The following ADCY10 variants were observed in gnomAD, a reference collection of about 807,000 sequenced individuals.
ADCY10 encodes adenylate cyclase type 10.
A neutral mutation model predicts 183.3 loss-of-function variants in ADCY10; 156 were observed. The ratio of observed to expected loss-of-function variants is 0.85; its 90% CI spans 0.75 to 0.97. The LOEUF (loss-of-function observed/expected upper bound fraction) is 0.97, where lower values mean the gene tolerates loss of function less well. Among genes scored for constraint, ADCY10 ranks in the 50% least tolerant of loss-of-function variants. ADCY10 has a pLI of 0.00. For synonymous variants in ADCY10, 645 were observed against 670.0 expected (o/e 0.96, Z 0.58); for missense variants, 1,745 against 1,934.3 (o/e 0.90, Z 1.84).
chr1:167,865,231 TA>T (rs1666597432), intron 14 of ADCY10, among the ~76,000 whole-genome samples: 1 of 152,158 alleles, frequency 6.6e-6, no homozygotes, highest in Admixed American at 6.5e-5. Flanking sequence ...TTACCTACAT[TA>T]AAAGGTTAAA....
At chr1:167,861,920 C>G (rs1257868405) in intron 14 of ADCY10, among the ~76,000 whole-genome samples, 1 of 152,162 alleles carries the variant, frequency 6.6e-6, no homozygotes, top group Admixed American at 6.5e-5. Flanking sequence ...CACTTCCTCC[C>G]TTGCTCGCTC....
intron 31 of ADCY10, among the ~76,000 whole-genome samples, chr1:167,816,446 T>C (rs1268722872): frequency 6.6e-6 from 1 of 152,126 alleles, no homozygotes. Flanking sequence ...CTCAGGAGTC[T>C]GTGGCAGGAG....
chr1:167,893,829 C>T, intron 8 of ADCY10, 24 bp downstream of exon 8: 1 of 1,552,520 alleles, frequency 6.4e-7, no homozygotes, highest in Non-Finnish European at 8.9e-7. Context: ...TCCCCAAAGC[C>T]AGTAAATTCA....
At chr1:167,887,804 C>T (rs1268524614) in intron 8 of ADCY10, among the ~76,000 whole-genome samples, 1 of 150,784 alleles carries the variant, frequency 6.6e-6, no homozygotes, top group African/African-American at 2.4e-5. Flanking sequence ...TTGATGTTAT[C>T]CCATCTGTCC....
intron 17 of ADCY10, 84 bp from the exon 18 acceptor site, chr1:167,854,573 A>C: frequency 6.6e-7 from 1 of 1,504,566 alleles, no homozygotes; most frequent in Non-Finnish European, 9.2e-7. Context: ...CAATCACTTG[A>C]AAATAATTTC....
At chr1:167,889,451 T>TTTTTTTTTTTTTTTTTTTTTTG (rs1553277659) in intron 8 of ADCY10, among the ~76,000 whole-genome samples, 1 of 151,856 alleles carries the variant, frequency 6.6e-6, no homozygotes, top group African/African-American at 2.4e-5. Context: ...ATGATCTTTT[T>TTTTTTTTTTTTTTTTTTTTTTG]AATATGTTGT....
intron 28 of ADCY10, among the ~76,000 whole-genome samples, chr1:167,823,895 T>C (rs967319826): frequency 2.0e-5 from 3 of 152,212 alleles, no homozygotes; most frequent in African/African-American, 7.2e-5. Flanking sequence ...CTGGAAGACT[T>C]TTCCCTTTGT....
chr1:167,842,761 C>T (rs745331038), intron 21 of ADCY10, among the ~76,000 whole-genome samples: 1 of 152,028 alleles, frequency 6.6e-6, no homozygotes, highest in Non-Finnish European at 1.5e-5. Flanking sequence ...GGGAGAGGGG[C>T]CGAGGAGTGG....
intron 31 of ADCY10, among the ~76,000 whole-genome samples, chr1:167,812,613 C>T (rs1662289960): frequency 6.6e-6 from 1 of 152,018 alleles, no homozygotes; most frequent in African/African-American, 2.4e-5. Flanking sequence ...AAAAGGCATA[C>T]CAAGAAACAG....
chr1:167,903,648 A>G (rs940898490), intron 3 of ADCY10, among the ~76,000 whole-genome samples: 9 of 152,206 alleles, frequency 5.9e-5, no homozygotes, highest in South Asian at 2.1e-4. Context: ...AGCAGTGTAT[A>G]ATTCAGCCCT....
At chr1:167,880,784 C>T (rs1422870708) in intron 9 of ADCY10, among the ~76,000 whole-genome samples, 175 bp from the exon 10 acceptor site, 1 of 152,214 alleles carries the variant, frequency 6.6e-6, no homozygotes, top group Non-Finnish European at 1.5e-5. Context: ...ACTGCATCAT[C>T]AACAGGAGGG....
At chr1:167,857,500 G>A (rs1410126432) in intron 16 of ADCY10, among the ~76,000 whole-genome samples, 1 of 152,170 alleles carries the variant, frequency 6.6e-6, no homozygotes, top group East Asian at 1.9e-4. Context: ...GGATAGCCTT[G>A]TTAATGAATT....
At chr1:167,854,665 A>C (rs1035184705) in intron 17 of ADCY10, among the ~76,000 whole-genome samples, 176 bp from the exon 18 acceptor site, 1 of 152,182 alleles carries the variant, frequency 6.6e-6, no homozygotes, top group African/African-American at 2.4e-5. Context: ...ATGTGTGTAC[A>C]CAATAAGTGT....
At chr1:167,860,799 A>C in intron 15 of ADCY10, 72 bp downstream of exon 15, 1 of 1,291,386 alleles carries the variant, frequency 7.7e-7, no homozygotes, top group Non-Finnish European at 1.1e-6. Flanking sequence ...ATGCTAAGTC[A>C]CAATGCACCA....
intron 18 of ADCY10, among the ~76,000 whole-genome samples, chr1:167,849,147 T>A: frequency 6.6e-6 from 1 of 152,230 alleles, no homozygotes; most frequent in Middle Eastern, 3.4e-3. Context: ...ATAATGTATA[T>A]CAGAATGTAT....
intron 23 of ADCY10, chr1:167,834,327 TCTC>T (rs1252861333): frequency 1.8e-5 from 10 of 563,114 alleles, no homozygotes; most frequent in Non-Finnish European, 3.2e-5. Flanking sequence ...AATCTGGAAA[TCTC>T]CACCTTTCTT....
chr1:167,827,237 T>C (rs1428235232), intron 26 of ADCY10, among the ~76,000 whole-genome samples: 1 of 151,648 alleles, frequency 6.6e-6, no homozygotes, highest in Admixed American at 6.6e-5. Flanking sequence ...GAGTGATCTC[T>C]GCTCACTGCA....
intron 2 of ADCY10, 62 bp downstream of exon 2, chr1:167,904,931 T>C (rs762666254): frequency 6.2e-7 from 1 of 1,612,334 alleles, no homozygotes; most frequent in Admixed American, 1.7e-5. Flanking sequence ...AAGCTCTGCA[T>C]GTGAATTCCC....
chr1:167,843,960 T>C (rs1014491209), intron 21 of ADCY10, among the ~76,000 whole-genome samples: 1 of 148,838 alleles, frequency 6.7e-6, no homozygotes, highest in Admixed American at 6.8e-5. Flanking sequence ...GGGCGAAGGA[T>C]CCAAGATTAT....
Sources: allele counts gnomAD v4.1 joint callset (sites outside exome capture counted in the v4.1 genomes callset), GRCh38; gene constraint gnomAD v4.1.1; transcripts MANE v1.5; gene names NCBI Gene and HGNC (gene_info 2026-07-23, HGNC 2026-07-21).